Variants in NPM1 observed in about 807,000 individuals in gnomAD.
NPM1 encodes nucleophosmin 1, also known as nucleophosmin.
A neutral mutation model predicts 44.1 loss-of-function variants in NPM1; 1 was observed. The observed-to-expected ratio is 0.02, with a 90% CI of 0.01 to 0.11. The LOEUF (loss-of-function observed/expected upper bound fraction) is 0.11. Ranked by LOEUF, NPM1 falls within the 10% of genes least tolerant of loss-of-function variation. The pLI is 1.00. For synonymous variants in NPM1, 126 were observed against 111.8 expected, an observed-to-expected ratio of 1.13 and a Z score of -0.80; for missense variants, 197 against 347.8, an observed-to-expected ratio of 0.57 and a Z score of 3.45.
chr5:171,390,311 C>T, intron 2 of NPM1, 181 bp downstream of exon 2: 1 of 460,310 alleles, frequency 2.2e-6, no homozygotes, highest in Non-Finnish European at 3.8e-6. Flanking sequence ...ATCTATACCA[C>T]TCATTTGGTA....
intron 9 of NPM1, 101 bp from the exon 10 acceptor site, chr5:171,407,599 C>T: frequency 2.7e-6 from 2 of 733,818 alleles, no homozygotes; most frequent in South Asian, 1.6e-5. Context: ...AAAGAATAAA[C>T]TGATCCATGT....
At chr5:171,402,919 T>G (rs1175170519) in intron 8 of NPM1, among the ~76,000 whole-genome samples, 1 of 150,568 alleles carries the variant, frequency 6.6e-6, no homozygotes, top group African/African-American at 2.4e-5. Flanking sequence ...ATTAAACCTC[T>G]TTTCTTCATA....
chr5:171,391,355 G>A lies in NPM1; in HGVS notation c.189G>A (p.Glu63=), dbSNP rs1277639499. Residue 63 remains glutamate, a synonymous_variant, in exon 3 of 11, where the codon GAG becomes GAA. Coordinates refer to ENST00000296930, the MANE Select transcript of NPM1 (RefSeq NM_002520.7). ...ATGAGTTGCACATTGTTGAAGCAGA[G>A]GCAATGAATTACGAAGGCAGTCCAA... ...AKDELHIVEA[E]AMNYEGSPIK... is the part of the protein sequence containing the mutation. The A allele has an allele frequency of 3.1e-6, 5 of 1,613,018 alleles. No individual in the cohort carries two copies. Among genetic ancestry groups the A allele is most frequent in the African/African-American group, 2.7e-5 (2 of 74,886 alleles).
upstream of NPM1, chr5:171,387,813 T>C: frequency 1.3e-6 from 1 of 797,472 alleles, no homozygotes; most frequent in South Asian, 1.6e-5. Context: ...TCGCGAGATC[T>C]TCAGGGTCTA....
At chr5:171,391,502 T>C (rs1770576890) in intron 3 of NPM1, 78 bp downstream of exon 3, 2 of 1,552,904 alleles carry the variant, frequency 1.3e-6, no homozygotes, top group Non-Finnish European at 1.7e-6. Context: ...CATTTAGTTG[T>C]GCCAAGGAGA....
intron 6 of NPM1, among the ~76,000 whole-genome samples, chr5:171,394,145 G>A (rs1770749324): frequency 6.7e-6 from 1 of 149,802 alleles, no homozygotes; most frequent in South Asian, 2.1e-4. Flanking sequence ...GGGTTCAAGC[G>A]ATTGTCCTGC....
At chr5:171,404,504 CG>C (rs1450975756) in intron 8 of NPM1, among the ~76,000 whole-genome samples, 1 of 72,226 alleles carries the variant, frequency 1.4e-5, no homozygotes, top group Non-Finnish European at 2.8e-5. Context: ...GATGGGGCGG[CG>C]GGGCAGAGGC....
chr5:171,401,283 G>A (rs1020473621), intron 8 of NPM1, among the ~76,000 whole-genome samples: 2 of 151,962 alleles, frequency 1.3e-5, no homozygotes. Context: ...GCTTGAACCT[G>A]GGAGGTGGAG....
intron 6 of NPM1, among the ~76,000 whole-genome samples, chr5:171,393,712 T>C (rs980031398): frequency 5.3e-5 from 8 of 152,214 alleles, no homozygotes; most frequent in Admixed American, 1.3e-4. Flanking sequence ...ACATGCACTT[T>C]AAAAGAGAAC....
intron 8 of NPM1, among the ~76,000 whole-genome samples, chr5:171,403,874 A>C (rs1581255354): frequency 7.9e-5 from 3 of 38,104 alleles, no homozygotes; most frequent in Admixed American, 2.2e-4. Flanking sequence ...TGACCCCCCC[A>C]CCTCCCTCCC....
At chr5:171,410,446 C>CT in intron 10 of NPM1, 81 bp from the exon 11 acceptor site, 1 of 821,376 alleles carries the variant, frequency 1.2e-6, no homozygotes, top group Non-Finnish European at 1.9e-6. Context: ...AGATGTTGAA[C>CT]TATGCAAAGA....
intron 8 of NPM1, among the ~76,000 whole-genome samples, chr5:171,404,856 G>C (rs554316382): frequency 2.6e-5 from 4 of 152,138 alleles, no homozygotes; most frequent in African/African-American, 9.6e-5. Flanking sequence ...ATTGAGCACT[G>C]AGTGAACGAG....
At chr5:171,392,379 G>A (rs917207394) in intron 4 of NPM1, among the ~76,000 whole-genome samples, 1 of 152,052 alleles carries the variant, frequency 6.6e-6, no homozygotes, top group Non-Finnish European at 1.5e-5. Context: ...CACACTCCAC[G>A]CCTGGCTAAT....
chr5:171,404,863 C>T (rs887533151), intron 8 of NPM1, among the ~76,000 whole-genome samples: 3 of 152,054 alleles, frequency 2.0e-5, no homozygotes, highest in South Asian at 2.1e-4. Flanking sequence ...ACTGAGTGAA[C>T]GAGACTCTGT....
At chr5:171,394,837 T>G (rs567209261) in intron 6 of NPM1, among the ~76,000 whole-genome samples, 7 of 152,186 alleles carry the variant, frequency 4.6e-5, no homozygotes, top group Middle Eastern at 3.4e-3. Flanking sequence ...AGGACCTGAT[T>G]GTAGTATTGA....
chr5:171,388,780 C>T (rs1000983258), intron 1 of NPM1, among the ~76,000 whole-genome samples: 4 of 152,298 alleles, frequency 2.6e-5, no homozygotes, highest in East Asian at 1.9e-4. Flanking sequence ...TTTTGAGCCC[C>T]TTTTCTGTCT....
rs1391170272 is a variant in NPM1 at position 171,387,916 on chromosome 5, C to G, written c.-33C>G. ...GCAGCGTTCTTTTATCTCCGTCCGCCTTCTCTCCTACCTAAGTGCGTGCCG... is the reference window on the plus strand; with the variant it reads ...GCAGCGTTCTTTTATCTCCGTCCGCGTTCTCTCCTACCTAAGTGCGTGCCG... On this transcript the variant is annotated 5_prime_UTR_variant, in exon 1 of 11. Transcript: ENST00000296930. 6.2e-7 allele frequency: 1 copy of G among 1,603,748 alleles called. No homozygotes were observed. The highest frequency in any genetic ancestry group is 1.7e-5 in the Admixed American group (1 of 59,994).
In NPM1 at chr5:171,400,048, C is replaced by T. The variant is rs764252149; in HGVS notation, c.525-105C>T. 872 of 711,458 alleles carry T rather than the reference C, an allele frequency of 1.2e-3. 1 individual carries two copies. Among genetic ancestry groups the T allele is most frequent in the Non-Finnish European group, 1.9e-3 (775 of 398,914 alleles). 44.1% of individuals were successfully genotyped at this position (711,458 alleles called of 1,614,324 possible). A position where few individuals can be genotyped will look rare whatever the true frequency, so the allele number is the denominator to read the frequency against. ...CTCTTGGCTGTTGTGAACAATGCTTCGATAAACATGGGTGCACAAATAATC... is the reference window on the plus strand; with the variant it reads ...CTCTTGGCTGTTGTGAACAATGCTTTGATAAACATGGGTGCACAAATAATC... On this transcript the variant is annotated intron_variant, in intron 6 of 10. Coordinates refer to ENST00000296930, the MANE Select transcript of NPM1 (RefSeq NM_002520.7).
intron 8 of NPM1, 55 bp downstream of exon 8, chr5:171,400,980 CT>C: frequency 8.3e-7 from 1 of 1,201,750 alleles, no homozygotes; most frequent in African/African-American, 1.5e-5. Flanking sequence ...GAAAAAGATT[CT>C]ACTGTGGAAG....
Sources: allele counts gnomAD v4.1 joint callset (sites outside exome capture counted in the v4.1 genomes callset), GRCh38; gene constraint gnomAD v4.1.1; transcripts MANE v1.5; gene names NCBI Gene and HGNC (gene_info 2026-07-23, HGNC 2026-07-21).